Variants in ECPAS observed in about 807,000 individuals in gnomAD.
The protein encoded by ECPAS is Ecm29 proteasome adaptor and scaffold.
Under a neutral mutation model 255.1 loss-of-function variants are expected in ECPAS, and 70 were observed. The ratio of observed to expected loss-of-function variants is 0.27; its 90% confidence interval spans 0.23 to 0.33. ECPAS has a LOEUF of 0.33. Ranked by LOEUF, ECPAS falls within the 10% of genes least tolerant of loss-of-function variation. The pLI, the probability that ECPAS is intolerant of heterozygous loss-of-function variation, is 1.00. For synonymous variants in ECPAS, 784 were observed against 775.0 expected (o/e 1.01, Z -0.19); for missense variants, 1,817 against 2,206.4 (o/e 0.82, Z 3.54).
intron 7 of ECPAS, among the ~76,000 whole-genome samples, chr9:111,433,995 C>T (rs1315528240): frequency 6.6e-6 from 1 of 152,158 alleles, no homozygotes; most frequent in African/African-American, 2.4e-5. Context: ...CTGCTTAGAA[C>T]TTCATGCAAT....
chr9:111,369,019 A>C lies in ECPAS; in HGVS notation c.5113+16T>G, dbSNP rs2098124106. ...CCTCTGGTTACAGCACTTCAAATGC[A>C]GTTTCTGGTGCTTACGTTGGGTCTC... On this transcript the variant is annotated intron_variant, in intron 46 of 49. Coordinates refer to ENST00000684092, the MANE Select transcript of ECPAS (RefSeq NM_001364929.1). The C allele has an allele frequency of 6.5e-7, 1 of 1,535,456 alleles. No individual in the cohort carries two copies. The highest frequency in any genetic ancestry group is 1.3e-5 in the South Asian group (1 of 77,816).
At chr9:111,375,270 A>C in intron 37 of ECPAS, 68 bp from the exon 38 acceptor site, 1 of 1,175,256 alleles carries the variant, frequency 8.5e-7, no homozygotes, top group Non-Finnish European at 1.3e-6. Context: ...TTCAATTAAA[A>C]ACTGCCCTTG....
chr9:111,472,214 C>T (rs7846751), intron 2 of ECPAS, among the ~76,000 whole-genome samples: 43,413 of 151,720 alleles, frequency 0.29, 7,878 homozygotes, highest in Non-Finnish European at 0.42. Flanking sequence ...TGCCACTGTA[C>T]TCCAGTCTGG....
rs199791808 is a variant in ECPAS, at chr9:111,391,793, C to T, written c.3124G>A (p.Val1042Ile). 1.9e-6 allele frequency: 3 copies of T among 1,609,350 alleles called. No individual in the cohort carries two copies. The highest frequency in any genetic ancestry group is 1.7e-5 in the Admixed American group (1 of 59,708). Residue 1042 changes from valine to isoleucine, a missense_variant, in exon 29 of 50, where the codon GTA becomes ATA. Transcript: ENST00000684092. ...TTGCCAAGAGCTCCCCCTTGAAATA[C>T]CACTGTCTCTCCAGAAACTTCATGT... ...VKHEVSGETV[V>I]FQGGALGKTP...
At chr9:111,412,734 A>G (rs1420677693) in intron 20 of ECPAS, among the ~76,000 whole-genome samples, 2 of 152,238 alleles carry the variant, frequency 1.3e-5, no homozygotes, top group African/African-American at 2.4e-5. Context: ...GTCAATATTC[A>G]TAAGAAATAA....
chr9:111,456,336 T>C (rs1403957247), intron 2 of ECPAS, among the ~76,000 whole-genome samples: 2 of 152,168 alleles, frequency 1.3e-5, no homozygotes, highest in African/African-American at 2.4e-5. Flanking sequence ...ACAGTGAGTT[T>C]TAAGGACTTG....
chr9:111,366,942 T>C (rs2098121085), intron 46 of ECPAS, among the ~76,000 whole-genome samples: 1 of 152,158 alleles, frequency 6.6e-6, no homozygotes, highest in Non-Finnish European at 1.5e-5. Flanking sequence ...TCAAGGCATA[T>C]GGTTCTCCAT....
chr9:111,369,223 A>C, intron 45 of ECPAS, 50 bp from the exon 46 acceptor site: 1 of 1,396,734 alleles, frequency 7.2e-7, no homozygotes, highest in Non-Finnish European at 9.4e-7. Context: ...CTTCAAAGTT[A>C]CAGGTATACT....
intron 19 of ECPAS, 34 bp from the exon 20 acceptor site, chr9:111,414,020 A>G: frequency 1.4e-6 from 2 of 1,438,510 alleles, no homozygotes; most frequent in Non-Finnish European, 9.5e-7. Context: ...TTAAATTTCA[A>G]GAAAAGTAAT....
intron 2 of ECPAS, among the ~76,000 whole-genome samples, chr9:111,458,698 A>C (rs1480778981): frequency 1.3e-5 from 2 of 152,072 alleles, no homozygotes; most frequent in Non-Finnish European, 2.9e-5. Flanking sequence ...CCAATCAATC[A>C]ATCACACCTG....
chr9:111,450,800 C>T (rs2098259291), intron 3 of ECPAS, among the ~76,000 whole-genome samples: 1 of 152,136 alleles, frequency 6.6e-6, no homozygotes, highest in Non-Finnish European at 1.5e-5. Context: ...TGGTGGTCTG[C>T]ACCTGTAGTC....
chr9:111,408,763 G>A (rs189781029), intron 23 of ECPAS, 91 bp from the exon 24 acceptor site: 159 of 697,394 alleles, frequency 2.3e-4, no homozygotes, highest in Non-Finnish European at 2.1e-4. Flanking sequence ...ACAGGGAAGC[G>A]CAGTCTATCT....
chr9:111,413,231 T>C (rs1564527726), intron 20 of ECPAS, among the ~76,000 whole-genome samples: 2 of 152,220 alleles, frequency 1.3e-5, no homozygotes, highest in Admixed American at 6.5e-5. Context: ...AGATTATTCA[T>C]TGCAGCAGAA....
At chr9:111,445,011 T>G (rs77126717) in intron 3 of ECPAS, among the ~76,000 whole-genome samples, 1 of 138,608 alleles carries the variant, frequency 7.2e-6, no homozygotes, top group Non-Finnish European at 1.6e-5. Flanking sequence ...TTTTTTTTTT[T>G]TTGACATGGA....
At chr9:111,424,131 C>G (rs959578439) in intron 12 of ECPAS, among the ~76,000 whole-genome samples, 6 of 152,098 alleles carry the variant, frequency 3.9e-5, no homozygotes, top group Admixed American at 3.9e-4. Context: ...TGAGTGGTCC[C>G]CTAGATCTTA....
chr9:111,436,963 A>G lies in ECPAS; in HGVS notation c.685T>C (p.Trp229Arg), dbSNP rs1359489480. 1.2e-6 allele frequency: 2 copies of G among 1,610,700 alleles called. No homozygotes were observed. Among genetic ancestry groups the G allele is most frequent in the Non-Finnish European group, 1.7e-6 (2 of 1,178,678 alleles). Residue 229 changes from tryptophan to arginine, a missense_variant, in exon 7 of 50, where the codon TGG becomes CGG. Around this residue, in one of 4 missense-constraint regions of ECPAS, gnomAD observed 573 missense variants for 716.2 expected, o/e 0.80. Transcript: ENST00000684092. ...ACCTGTTCCAATTGTTCAGGTGTCC[A>G]TGGGTTATCACCAATAACTCGTTTG... ...AAKRVIGDNP[W>R]TPEQLEQCKL...
chr9:111,465,016 T>C (rs766786386), intron 2 of ECPAS, among the ~76,000 whole-genome samples: 5 of 151,366 alleles, frequency 3.3e-5, no homozygotes, highest in Non-Finnish European at 7.4e-5. Context: ...AAACCCCGTC[T>C]CTACTAAAAA....
intron 15 of ECPAS, 73 bp downstream of exon 15, chr9:111,421,848 G>C (rs1485414440): frequency 6.5e-7 from 1 of 1,532,296 alleles, no homozygotes. Context: ...CAAAAGTTAA[G>C]TAGCAATTCA....
At chr9:111,444,347 A>T in intron 4 of ECPAS, 31 bp downstream of exon 4, 3 of 1,473,334 alleles carry the variant, frequency 2.0e-6, no homozygotes, top group Non-Finnish European at 1.9e-6. Context: ...AATTTGCTGT[A>T]AGTCAGAAAA....
Sources: allele counts gnomAD v4.1 joint callset (sites outside exome capture counted in the v4.1 genomes callset), GRCh38; gene constraint gnomAD v4.1.1; regional missense constraint gnomAD v4.1.1; transcripts MANE v1.5; gene names NCBI Gene and HGNC (gene_info 2026-07-23, HGNC 2026-07-21).